UBAC2: variants seen among roughly 807,000 people sequenced by gnomAD.
The protein encoded by UBAC2 is ubiquitin-associated domain-containing protein 2.
A neutral mutation model predicts 44.0 loss-of-function variants in UBAC2; 26 were observed. That is an observed-to-expected ratio of 0.59 (90% CI 0.43 to 0.82). The LOEUF is 0.82. UBAC2 is among the 40% of genes least tolerant of loss of function. The pLI is 0.00. For missense variants in UBAC2, 329 were observed against 419.4 expected, an observed-to-expected ratio of 0.78 and a Z score of 1.88; for synonymous variants, 155 against 154.3, an observed-to-expected ratio of 1.00 and a Z score of -0.04.
chr13:99,226,406 C>T (rs935683721), intron 1 of UBAC2, among the ~76,000 whole-genome samples: 3 of 152,044 alleles, frequency 2.0e-5, no homozygotes, highest in African/African-American at 4.8e-5. Flanking sequence ...TTCAACCTCC[C>T]TCTTCATCTA....
At chr13:99,231,205 G>A (rs1005890803) in intron 1 of UBAC2, among the ~76,000 whole-genome samples, 2 of 152,170 alleles carry the variant, frequency 1.3e-5, no homozygotes, top group Admixed American at 6.5e-5. Flanking sequence ...GGATTAGGAC[G>A]TGGACCTCCT....
At position 99,355,077 on chromosome 13, in the gene UBAC2, G is replaced by A. The variant is rs142765529; in HGVS notation, c.808-12710G>A. On this transcript the variant is annotated intron_variant, in intron 7 of 8. Transcript: ENST00000403766. ...ACATGAAAATGGATGAACTCTCCAC[G>A]GAGGAAATGTAAGAAGAGGGGAAAC... is the stretch of plus-strand genomic sequence containing the variant. Among the ~76,000 whole-genome samples, 539 of 152,294 alleles carry A rather than the reference G, an allele frequency of 3.5e-3. 2 individuals carry two copies. Among genetic ancestry groups the A allele is most frequent in the Non-Finnish European group, 5.5e-3 (376 of 68,034 alleles).
intron 1 of UBAC2, among the ~76,000 whole-genome samples, chr13:99,202,960 C>G (rs1051249040): frequency 7.2e-5 from 11 of 152,164 alleles, no homozygotes; most frequent in Admixed American, 2.6e-4. Context: ...GGCTGTGTGT[C>G]AGCTTTAACA....
chr13:99,302,984 G>A (rs1049964378), intron 4 of UBAC2, among the ~76,000 whole-genome samples: 3 of 142,778 alleles, frequency 2.1e-5, no homozygotes, highest in Admixed American at 7.2e-5. Flanking sequence ...AGAGTTGACT[G>A]TGGTCCGTCT....
chr13:99,366,847 TC>T (rs915655052), intron 7 of UBAC2, among the ~76,000 whole-genome samples: 1 of 152,194 alleles, frequency 6.6e-6, no homozygotes, highest in Admixed American at 6.5e-5. Flanking sequence ...GCCCACTTGT[TC>T]CTGAGGCCTT....
At chr13:99,201,807 C>G (rs2042804670) in intron 1 of UBAC2, among the ~76,000 whole-genome samples, 1 of 152,176 alleles carries the variant, frequency 6.6e-6, no homozygotes, top group Non-Finnish European at 1.5e-5. Context: ...CGCGGTGGCT[C>G]ACGCCTGTAA....
At chr13:99,328,376 G>A (rs1234126692) in intron 6 of UBAC2, among the ~76,000 whole-genome samples, 1 of 152,098 alleles carries the variant, frequency 6.6e-6, no homozygotes, top group African/African-American at 2.4e-5. Flanking sequence ...GGAATTGCTG[G>A]GTCATATGGT....
intron 1 of UBAC2, among the ~76,000 whole-genome samples, chr13:99,232,416 A>ATATATATATATATATATATG: frequency 7.0e-6 from 1 of 143,672 alleles, no homozygotes; most frequent in Non-Finnish European, 1.5e-5. Context: ...ATATATATAT[A>ATATATATATATATATATATG]TATATTCACA....
At chr13:99,306,030 G>A (rs974953066) in intron 4 of UBAC2, among the ~76,000 whole-genome samples, 9 of 152,026 alleles carry the variant, frequency 5.9e-5, no homozygotes, top group African/African-American at 1.9e-4. Context: ...TGAGTAGCTG[G>A]GATTATAGGT....
chr13:99,220,636 T>G (rs888004333), intron 1 of UBAC2, among the ~76,000 whole-genome samples: 3 of 152,216 alleles, frequency 2.0e-5, no homozygotes, highest in African/African-American at 7.2e-5. Context: ...TTCTCAAAAT[T>G]TGTAGCATCC....
intron 8 of UBAC2, chr13:99,377,061 C>T (rs938053293): frequency 6.6e-6 from 1 of 152,362 alleles, no homozygotes; most frequent in Non-Finnish European, 1.5e-5. Context: ...TCCAGAGTCT[C>T]AGTGTCCTAC....
At chr13:99,307,977 C>A (rs2044360952) in intron 4 of UBAC2, 1 of 152,118 alleles carries the variant, frequency 6.6e-6, no homozygotes, top group Non-Finnish European at 1.5e-5. Flanking sequence ...GAGTCAGAGG[C>A]TGTGTGAGTA....
intron 1 of UBAC2, among the ~76,000 whole-genome samples, chr13:99,235,287 TAAA>T (rs1357015603): frequency 6.6e-6 from 1 of 152,022 alleles, no homozygotes; most frequent in Non-Finnish European, 1.5e-5. Flanking sequence ...GAAGAGGACA[TAAA>T]AAAATGAAAG....
At chr13:99,297,378 A>G (rs1379526271) in intron 4 of UBAC2, among the ~76,000 whole-genome samples, 2 of 152,204 alleles carry the variant, frequency 1.3e-5, no homozygotes, top group African/African-American at 4.8e-5. Context: ...TTGCTACTGT[A>G]TATTTAAAGA....
At chr13:99,347,935 T>C (rs2045016656) in intron 7 of UBAC2, among the ~76,000 whole-genome samples, 1 of 151,966 alleles carries the variant, frequency 6.6e-6, no homozygotes, top group South Asian at 2.1e-4. Flanking sequence ...TCCACAGCTG[T>C]CCCATTCTTT....
intron 8 of UBAC2, among the ~76,000 whole-genome samples, chr13:99,378,559 C>G (rs757679739): frequency 6.6e-6 from 1 of 152,110 alleles, no homozygotes; most frequent in Non-Finnish European, 1.5e-5. Context: ...ACTTCAATAT[C>G]CACTTCTTCT....
chr13:99,249,878 G>T (rs2043437016), intron 4 of UBAC2, among the ~76,000 whole-genome samples: 1 of 152,130 alleles, frequency 6.6e-6, no homozygotes, highest in African/African-American at 2.4e-5. Flanking sequence ...CTTTTGAAAA[G>T]TATCTGTTCA....
intron 4 of UBAC2, among the ~76,000 whole-genome samples, chr13:99,281,246 A>G (rs1361982782): frequency 6.6e-6 from 1 of 152,112 alleles, no homozygotes; most frequent in Non-Finnish European, 1.5e-5. Flanking sequence ...AAAAAGTATA[A>G]AAGTTGAATT....
chr13:99,330,469 A>AAAAAAAAAAAAAAAAAAAAAAC, intron 6 of UBAC2, among the ~76,000 whole-genome samples: 1 of 148,850 alleles, frequency 6.7e-6, no homozygotes, highest in Non-Finnish European at 1.5e-5. Context: ...AAAAAAAAAA[A>AAAAAAAAAAAAAAAAAAAAAAC]AAAAAAAGAA....
Sources: gnomAD v4.1 joint callset for allele counts (sites outside exome capture counted in the v4.1 genomes callset) on GRCh38, gnomAD v4.1.1 for gene constraint, MANE v1.5 for transcripts, NCBI Gene and HGNC (gene_info 2026-07-23, HGNC 2026-07-21) for gene names.